SAMHD1: variants seen among roughly 807,000 people sequenced by gnomAD.
SAMHD1 encodes SAM and HD domain containing deoxynucleoside triphosphate triphosphohydrolase 1, also known as deoxynucleoside triphosphate triphosphohydrolase SAMHD1.
SAMHD1 carries 54 observed loss-of-function variants against 79.6 expected under a neutral mutation model. The observed-to-expected ratio is 0.68, with a 90% CI of 0.55 to 0.85. The LOEUF is 0.85. Ranked by LOEUF, SAMHD1 falls within the 40% of genes least tolerant of loss-of-function variation. The pLI, the probability that SAMHD1 is intolerant of heterozygous loss-of-function variation, is 0.00. For missense variants in SAMHD1, 663 were observed against 782.7 expected (o/e 0.85, Z 1.82); for synonymous variants, 260 against 264.1 (o/e 0.98, Z 0.15).
rs562912187 is a variant in SAMHD1, at chr20:36,951,061, G to A, written c.208+375C>T. The stretch of plus-strand genomic sequence containing the variant: ...CGCTTGTCCCGCGCCGGGGTGGCAA[G>A]TTAGTGAAGAAACCCACGAGAGTGA... On this transcript the variant is annotated intron_variant, in intron 1 of 15. Transcript: ENST00000646673. Among the ~76,000 whole-genome samples the A allele has an allele frequency of 2.6e-3, 400 of 152,344 alleles. 2 individuals are homozygous for A. The highest frequency in any genetic ancestry group is 9.3e-3 in the African/African-American group (387 of 41,596).
At chr20:36,897,542 C>T in intron 15 of SAMHD1, 1 of 473,030 alleles carries the variant, frequency 2.1e-6, no homozygotes, top group South Asian at 2.1e-5. Flanking sequence ...CCTTCCAGGG[C>T]CACTGGTGAA....
chr20:36,944,666 G>A (rs1431025876), intron 2 of SAMHD1, among the ~76,000 whole-genome samples: 1 of 152,170 alleles, frequency 6.6e-6, no homozygotes, highest in Non-Finnish European at 1.5e-5. Context: ...AGGACGAGGT[G>A]GGTGGATCAC....
At chr20:36,898,951 G>C (rs576324351) in intron 13 of SAMHD1, among the ~76,000 whole-genome samples, 2 of 149,210 alleles carry the variant, frequency 1.3e-5, no homozygotes, top group South Asian at 4.3e-4. Context: ...AAATGGAACA[G>C]AGCCTTCTGG....
Position 36,896,702 on chromosome 20 carries a change from G to T in SAMHD1, c.1746+1120C>A, listed in dbSNP as rs145934189. Among the ~76,000 whole-genome samples, 735 of 152,114 alleles carry T rather than the reference G, an allele frequency of 4.8e-3. 4 individuals are homozygous for T. The highest frequency in any genetic ancestry group is 0.017 in the African/African-American group (712 of 41,510). On this transcript the variant is annotated intron_variant, in intron 15 of 15. Transcript: ENST00000646673. ...TACAAAAATTTAGCCAGGCATTGTG[G>T]CACATGCCTGTAATCCCAGCTACTC...
intron 13 of SAMHD1, among the ~76,000 whole-genome samples, chr20:36,901,827 G>A (rs1331703992): frequency 6.6e-6 from 1 of 152,224 alleles, no homozygotes; most frequent in Non-Finnish European, 1.5e-5. Flanking sequence ...ACAGCTGCAT[G>A]CAGCTAGTGA....
chr20:36,930,373 G>A (rs909277905), intron 5 of SAMHD1, among the ~76,000 whole-genome samples: 5 of 151,934 alleles, frequency 3.3e-5, no homozygotes, highest in African/African-American at 1.2e-4. Flanking sequence ...GTGCATGCCT[G>A]TAATCCCAGC....
intron 6 of SAMHD1, among the ~76,000 whole-genome samples, chr20:36,925,910 T>C (rs1412092949): frequency 6.6e-6 from 1 of 152,188 alleles, no homozygotes; most frequent in African/African-American, 2.4e-5. Flanking sequence ...ACTCTGGTAG[T>C]TTCTTATAGA....
intron 1 of SAMHD1, among the ~76,000 whole-genome samples, chr20:36,949,618 G>A (rs908947572): frequency 1.3e-5 from 2 of 151,712 alleles, no homozygotes; most frequent in Non-Finnish European, 1.5e-5. Context: ...TTAGCTGGGC[G>A]TGGTGGCACA....
intron 6 of SAMHD1, among the ~76,000 whole-genome samples, chr20:36,921,069 G>A (rs1314399116): frequency 6.6e-6 from 1 of 151,970 alleles, no homozygotes; most frequent in East Asian, 1.9e-4. Flanking sequence ...GGGCAACAGA[G>A]CAAGACCTTG....
chr20:36,905,664 A>T (rs1332564465), intron 11 of SAMHD1, among the ~76,000 whole-genome samples, 161 bp from the exon 12 acceptor site: 1 of 152,148 alleles, frequency 6.6e-6, no homozygotes, highest in Non-Finnish European at 1.5e-5. Flanking sequence ...TTTAAGTGAA[A>T]AAACCTTTTA....
intron 2 of SAMHD1, among the ~76,000 whole-genome samples, chr20:36,944,077 CAAAAA>C (rs542947370): frequency 4.4e-4 from 40 of 89,980 alleles, no homozygotes; most frequent in African/African-American, 3.7e-4. Context: ...GACTCCATCT[CAAAAA>C]AAAAAAAAAA....
chr20:36,900,896 A>T (rs1990294242), intron 13 of SAMHD1, among the ~76,000 whole-genome samples: 1 of 152,150 alleles, frequency 6.6e-6, no homozygotes, highest in Non-Finnish European at 1.5e-5. Flanking sequence ...AAATAGCTTG[A>T]AGGAGAATAT....
intron 4 of SAMHD1, among the ~76,000 whole-genome samples, chr20:36,932,361 A>G (rs1399191382): frequency 1.3e-5 from 2 of 150,418 alleles, no homozygotes; most frequent in East Asian, 3.9e-4. Context: ...CCAAAAAAAA[A>G]AAAAAAAAAA....
chr20:36,921,286 AG>A (rs141164621), intron 6 of SAMHD1, among the ~76,000 whole-genome samples: 379 of 147,842 alleles, frequency 2.6e-3, no homozygotes, highest in Non-Finnish European at 4.4e-3. Context: ...CCAGCTACTC[AG>A]GAGGCTGAAG....
At chr20:36,947,310 GGTGT>G (rs35061251) in intron 1 of SAMHD1, among the ~76,000 whole-genome samples, 2,262 of 85,026 alleles carry the variant, frequency 0.027, 45 homozygotes, top group Middle Eastern at 0.051. Flanking sequence ...ATTTGGAAGA[GGTGT>G]GTGTGTGTGT....
At chr20:36,935,542 A>C in intron 3 of SAMHD1, 1 of 318,692 alleles carries the variant, frequency 3.1e-6, no homozygotes, top group Non-Finnish European at 6.0e-6. Flanking sequence ...CACATCATGT[A>C]ACCCATATCA....
intron 11 of SAMHD1, among the ~76,000 whole-genome samples, chr20:36,907,564 C>A (rs202064194): frequency 7.5e-6 from 1 of 132,676 alleles, no homozygotes; most frequent in Non-Finnish European, 1.5e-5. Flanking sequence ...TTTTTTTAGA[C>A]AGACTCACCC....
chr20:36,897,741 C>T, intron 15 of SAMHD1, 81 bp downstream of exon 15: 1 of 1,515,920 alleles, frequency 6.6e-7, no homozygotes, highest in Non-Finnish European at 9.1e-7. Context: ...TAAATGGGAA[C>T]TTTTCAGCAG....
rs1455837248 is a variant in SAMHD1 at position 36,930,844 on chromosome 20, C to T, written c.541G>A (p.Ala181Thr). ...VGYLAGCLVH[A>T]LGEKQPELQI... ...AGCTCTGGTTGTTTTTCACCCAGTG[C>T]GTGAACTAGACATCCTGCTAGATAC... Residue 181 changes from alanine (A) to threonine (T), a missense_variant, in exon 5 of 16, where the codon GCA becomes ACA. Transcript: ENST00000646673. The T allele has an allele frequency of 1.4e-5, 22 of 1,613,882 alleles. 1 individual carries two copies. Among genetic ancestry groups the T allele is most frequent in the Non-Finnish European group, 1.7e-5 (20 of 1,179,832 alleles).
Sources: gnomAD v4.1 joint callset for allele counts (sites outside exome capture counted in the v4.1 genomes callset) on GRCh38, gnomAD v4.1.1 for gene constraint, MANE v1.5 for transcripts, NCBI Gene and HGNC (gene_info 2026-07-23, HGNC 2026-07-21) for gene names.